COL23A1: variants seen among roughly 807,000 people sequenced by gnomAD.
COL23A1 encodes the protein collagen type XXIII alpha 1 chain, also known as collagen alpha-1(XXIII) chain.
A neutral mutation model predicts 99.3 loss-of-function variants in COL23A1; 97 were observed. That is an observed-to-expected ratio of 0.98 (90% CI 0.83 to 1.16). COL23A1 has a LOEUF of 1.16. Ranked by LOEUF, COL23A1 falls within the 50% of genes most tolerant of loss-of-function variation. The pLI is 0.00. For synonymous variants in COL23A1, 320 were observed against 308.2 expected (o/e 1.04, Z -0.40); for missense variants, 762 against 757.4 (o/e 1.01, Z -0.07).
rs374951231 is a variant in COL23A1, at chr5:178,375,562, G to A, written c.362-68643C>T. Among the ~76,000 whole-genome samples the A allele has an allele frequency of 4.6e-5, 7 of 152,248 alleles. No homozygotes were observed. The East Asian group carries it at 7.7e-4, about 17-fold the overall frequency. ...CTGCGTGGTCCCGCCCTGCCCCTCC[G>A]ACAGCCTCGTTCCTGCTTTCCCGTC... On this transcript the variant is annotated intron_variant, in intron 2 of 28. Transcript: ENST00000390654.
chr5:178,354,398 C>T (rs923102459), intron 2 of COL23A1, among the ~76,000 whole-genome samples: 1 of 152,020 alleles, frequency 6.6e-6, no homozygotes, highest in Admixed American at 6.6e-5. Context: ...TCTGTAGAGA[C>T]AGGGTTTTCT....
chr5:178,248,336 TC>T, intron 19 of COL23A1, 82 bp from the exon 20 acceptor site: 1 of 1,068,380 alleles, frequency 9.4e-7, no homozygotes, highest in Non-Finnish European at 1.4e-6. Context: ...CTCCCTTCCT[TC>T]CCCCATGTGG....
rs1026060382 is a variant in COL23A1 at position 178,384,682 on chromosome 5, C to T, written c.362-77763G>A. Among the ~76,000 whole-genome samples, 1 of 152,158 alleles carries T rather than the reference C, an allele frequency of 6.6e-6. No individual in the cohort carries two copies. The highest frequency in any genetic ancestry group is 6.5e-5 in the Admixed American group (1 of 15,268). On this transcript the variant is annotated intron_variant, in intron 2 of 28. Transcript: ENST00000390654. This position sits in a 1 kb window ranked among gnomAD's most constrained non-coding sequence, Gnocchi z 5.5. The stretch of plus-strand genomic sequence containing the variant: ...ACTCAGATGCGTCCAGTTTCAGAGC[C>T]AGAAGCCTCCTGGGGGCCTCACCCA...
intron 2 of COL23A1, among the ~76,000 whole-genome samples, chr5:178,508,535 A>G (rs1435273562): frequency 1.3e-5 from 2 of 152,178 alleles, no homozygotes; most frequent in Admixed American, 1.3e-4. Context: ...GGGGGGTGCC[A>G]CTGTGTTGCT....
intron 2 of COL23A1, among the ~76,000 whole-genome samples, chr5:178,350,443 G>A (rs1164515987): frequency 6.6e-6 from 1 of 152,168 alleles, no homozygotes; most frequent in Non-Finnish European, 1.5e-5. Flanking sequence ...ACGGCATCTA[G>A]GGCAGGGCCG....
intron 5 of COL23A1, among the ~76,000 whole-genome samples, chr5:178,274,784 T>C (rs953778634): frequency 6.6e-6 from 1 of 152,180 alleles, no homozygotes; most frequent in South Asian, 2.1e-4. Context: ...GAGCCTCAGC[T>C]TCCTCATCTA....
chr5:178,431,781 G>A (rs370917204), intron 2 of COL23A1, among the ~76,000 whole-genome samples: 2 of 152,220 alleles, frequency 1.3e-5, no homozygotes, highest in African/African-American at 4.8e-5. Flanking sequence ...TCTGTGTTGT[G>A]TTAAGCCACC....
intron 2 of COL23A1, among the ~76,000 whole-genome samples, chr5:178,500,424 CAA>C (rs770679841): frequency 1.5e-5 from 1 of 65,696 alleles, no homozygotes; most frequent in African/African-American, 5.6e-5. Flanking sequence ...CCCATCTCTA[CAA>C]AAAAAAAAAA....
At chr5:178,561,837 A>G in intron 1 of COL23A1, 1 of 253,338 alleles carries the variant, frequency 3.9e-6, no homozygotes, top group Non-Finnish European at 7.9e-6. Context: ...TGCACAGACG[A>G]CAAGACCTCA....
intron 2 of COL23A1, among the ~76,000 whole-genome samples, chr5:178,558,105 T>C (rs1331662784): frequency 6.6e-6 from 1 of 151,272 alleles, no homozygotes; most frequent in Admixed American, 6.6e-5. Flanking sequence ...CTAGAGGCTC[T>C]GACCAGCCCT....
chr5:178,516,457 C>T (rs769686060), intron 2 of COL23A1, among the ~76,000 whole-genome samples: 12 of 152,238 alleles, frequency 7.9e-5, no homozygotes, highest in African/African-American at 2.9e-4. Context: ...TGTGAAAGGA[C>T]AGAGGCTCTG....
At chr5:178,461,877 CACAG>C (rs1417386104) in intron 2 of COL23A1, among the ~76,000 whole-genome samples, 1 of 152,186 alleles carries the variant, frequency 6.6e-6, no homozygotes, top group Non-Finnish European at 1.5e-5. Flanking sequence ...AATTGGAGAA[CACAG>C]ACAATGAATT....
intron 2 of COL23A1, among the ~76,000 whole-genome samples, chr5:178,311,742 T>TG (rs1038115707): frequency 9.4e-6 from 1 of 106,038 alleles, no homozygotes; most frequent in Non-Finnish European, 1.9e-5. Flanking sequence ...TGTTTTGTTT[T>TG]TTTTTTGAGA....
rs374783448 is a variant in COL23A1, at chr5:178,481,822, G to A, written c.361+78860C>T. On this transcript the variant is annotated intron_variant, in intron 2 of 28. Transcript: ENST00000390654. ...CTCAGTCATAGGTGGGAATTGAACA[G>A]TGAGAACACTTGGACACAGGATGGG... Among the ~76,000 whole-genome samples, 214 of 145,262 alleles carry A rather than the reference G, an allele frequency of 1.5e-3. 1 individual carries two copies. Among genetic ancestry groups the A allele is most frequent in the African/African-American group, 5.0e-3 (192 of 38,740 alleles).
intron 2 of COL23A1, among the ~76,000 whole-genome samples, chr5:178,407,920 T>G (rs1764848208): frequency 6.6e-6 from 1 of 152,120 alleles, no homozygotes; most frequent in South Asian, 2.1e-4. Flanking sequence ...AAAAAAGTAT[T>G]CAAATAAATA....
chr5:178,554,188 T>A (rs927669467), intron 2 of COL23A1, among the ~76,000 whole-genome samples: 13 of 151,874 alleles, frequency 8.6e-5, no homozygotes, highest in African/African-American at 2.9e-4. Flanking sequence ...CTTCTTTTTT[T>A]TTTTCTTTGA....
intron 3 of COL23A1, 109 bp from the exon 4 acceptor site, chr5:178,290,478 T>G: frequency 4.3e-6 from 6 of 1,410,446 alleles, no homozygotes; most frequent in Non-Finnish European, 6.0e-6. Flanking sequence ...TGGCCACCTC[T>G]CCCCGGAAGG....
At chr5:178,554,079 C>T (rs1397381214) in intron 2 of COL23A1, among the ~76,000 whole-genome samples, 1 of 152,092 alleles carries the variant, frequency 6.6e-6, no homozygotes, top group African/African-American at 2.4e-5. Flanking sequence ...GTCACGGAGC[C>T]GGTGAGCAAC....
At chr5:178,531,757 C>T (rs896781858) in intron 2 of COL23A1, among the ~76,000 whole-genome samples, 12 of 152,354 alleles carry the variant, frequency 7.9e-5, no homozygotes, top group Admixed American at 3.3e-4. Flanking sequence ...GCTGAGAGAG[C>T]TTCCCACTGC....
Sources: gnomAD v4.1 joint callset for allele counts (sites outside exome capture counted in the v4.1 genomes callset) on GRCh38, gnomAD v4.1.1 for gene constraint, Gnocchi (gnomAD v3.1) non-coding constraint, MANE v1.5 for transcripts, NCBI Gene and HGNC (gene_info 2026-07-23, HGNC 2026-07-21) for gene names.